KIRREL3: variants seen among roughly 807,000 people sequenced by gnomAD.
The protein encoded by KIRREL3 is kin of IRRE-like protein 3.
In KIRREL3, 36 loss-of-function variants were observed where a neutral mutation model predicts 89.7. The observed-to-expected ratio is 0.40, with a 90% CI of 0.31 to 0.53. The LOEUF (loss-of-function observed/expected upper bound fraction) is 0.53, where lower values mean the gene tolerates loss of function less well. KIRREL3 is among the 20% of genes least tolerant of loss of function. The pLI is 0.49. For missense variants in KIRREL3, 864 were observed against 1,056.6 expected, an observed-to-expected ratio of 0.82 and a Z score of 2.53; for synonymous variants, 445 against 441.4, an observed-to-expected ratio of 1.01 and a Z score of -0.10.
Position 126,872,340 on chromosome 11 carries a change from G to A in KIRREL3, c.55+128115C>T, listed in dbSNP as rs1195629930. Among the ~76,000 whole-genome samples, 2 of 152,316 alleles carry A rather than the reference G, an allele frequency of 1.3e-5. No individual in the cohort carries two copies. Among genetic ancestry groups the A allele is most frequent in the East Asian group, 3.9e-4 (2 of 5,182 alleles). On this transcript the variant is annotated intron_variant, in intron 1 of 16. Coordinates refer to ENST00000525144, the MANE Select transcript of KIRREL3 (RefSeq NM_032531.4). The surrounding 1 kb of genome is among the most constrained non-coding windows in gnomAD (Gnocchi z 4.2). ...CTCTTAATTTGCATGTAAATAAAGG[G>A]GGTATAAACACAGTTGTCAGCAGCC...
rs1362260560 is a variant in KIRREL3 at position 126,899,674 on chromosome 11, C to CA, written c.55+100780dup. 2.6e-5 allele frequency among the ~76,000 whole-genome samples: 4 copies of CA among 152,288 alleles called. No individual in the cohort carries two copies. In the East Asian group the frequency reaches 7.7e-4, roughly 29 times the overall value. ...GACTGAGGTTTGGAAACAGATATAG[C>CA]AAAAGGTGCTATCAAGTGAAAGGGC... On this transcript the variant is annotated intron_variant, in intron 1 of 16. Transcript: ENST00000525144.
rs1416814142 is a variant in KIRREL3 at position 126,768,165 on chromosome 11, C to CA, written c.56-205254dup. ...CCATCCATCCATCCATCCATCCATC[C>CA]ATCCAATCCATCCATCCATCCATCC... is the stretch of plus-strand genomic sequence containing the variant. On this transcript the variant is annotated intron_variant, in intron 1 of 16. Transcript: ENST00000525144. This position sits in a 1 kb window ranked among gnomAD's most constrained non-coding sequence, Gnocchi z 4.5. Among the ~76,000 whole-genome samples, 117 of 124,798 alleles carry CA rather than the reference C, an allele frequency of 9.4e-4. No homozygotes were observed. The highest frequency in any genetic ancestry group is 3.3e-3 in the African/African-American group (97 of 29,408). The allele number at this position is 124,798 out of a possible 152,430, so 81.9% of individuals were successfully genotyped here. A position where few individuals can be genotyped will look rare whatever the true frequency, so the allele number is the denominator to read the frequency against.
At chr11:126,887,945 C>T (rs1006880850) in intron 1 of KIRREL3, among the ~76,000 whole-genome samples, 1 of 152,180 alleles carries the variant, frequency 6.6e-6, no homozygotes, top group Non-Finnish European at 1.5e-5. Context: ...AAGCTTGATT[C>T]CTATCTCTCC....
At position 126,522,193 on chromosome 11, in the gene KIRREL3, C is replaced by G. The variant is rs1457726921; in HGVS notation, c.284-729G>C. 6.6e-6 allele frequency among the ~76,000 whole-genome samples: 1 copy of G among 151,994 alleles called. No individual in the cohort carries two copies. Among genetic ancestry groups the G allele is most frequent in the Non-Finnish European group, 1.5e-5 (1 of 68,026 alleles). On this transcript the variant is annotated intron_variant, in intron 3 of 16. Transcript: ENST00000525144. The surrounding 1 kb of genome is among the most constrained non-coding windows in gnomAD (Gnocchi z 6.0). ...TGGTGTGCTCAGCACTGTGGTCTAC[C>G]AAGCAGACATGCATTTTGATAAGAT...
At chr11:126,928,252 G>A (rs1947801967) in intron 1 of KIRREL3, among the ~76,000 whole-genome samples, 1 of 152,240 alleles carries the variant, frequency 6.6e-6, no homozygotes, top group Non-Finnish European at 1.5e-5. Flanking sequence ...GGGAAGATCA[G>A]GAACAAAGCT....
At chr11:126,631,433 A>G (rs2134884518) in intron 1 of KIRREL3, among the ~76,000 whole-genome samples, 1 of 152,312 alleles carries the variant, frequency 6.6e-6, no homozygotes, top group East Asian at 1.9e-4. Flanking sequence ...GAAGTTGTTC[A>G]TATGCAGAAT....
chr11:126,633,797 GT>G (rs1445640719), intron 1 of KIRREL3, among the ~76,000 whole-genome samples: 2 of 152,196 alleles, frequency 1.3e-5, no homozygotes, highest in Non-Finnish European at 2.9e-5. Flanking sequence ...ATCAGTGTAT[GT>G]TTTTGTACCA....
In KIRREL3 at chr11:126,904,385, G is replaced by T. The variant is rs1213218146; in HGVS notation, c.55+96070C>A. On this transcript the variant is annotated intron_variant, in intron 1 of 16. Coordinates refer to ENST00000525144, the MANE Select transcript of KIRREL3 (RefSeq NM_032531.4). This position sits in a 1 kb window ranked among gnomAD's most constrained non-coding sequence, Gnocchi z 4.4. ...GTTAAATTGGGTCTTGATGTTTACTGCATCTCTGACTGCAATAAGACTGAT... is the reference window on the plus strand; with the variant it reads ...GTTAAATTGGGTCTTGATGTTTACTTCATCTCTGACTGCAATAAGACTGAT... Among the ~76,000 whole-genome samples, 7 of 152,156 alleles carry T rather than the reference G, an allele frequency of 4.6e-5. No individual in the cohort carries two copies. Among genetic ancestry groups the T allele is most frequent in the African/African-American group, 1.7e-4 (7 of 41,434 alleles).
rs1421535527 is a variant in KIRREL3 at position 126,900,553 on chromosome 11, G to A, written c.55+99902C>T. Among the ~76,000 whole-genome samples, 1 of 151,902 alleles carries A rather than the reference G, an allele frequency of 6.6e-6. No individual in the cohort carries two copies. Among genetic ancestry groups the A allele is most frequent in the Non-Finnish European group, 1.5e-5 (1 of 67,972 alleles). On this transcript the variant is annotated intron_variant, in intron 1 of 16. Coordinates refer to ENST00000525144, the MANE Select transcript of KIRREL3 (RefSeq NM_032531.4). This position sits in a 1 kb window ranked among gnomAD's most constrained non-coding sequence, Gnocchi z 4.4. ...ACTTCTGAGGCCTGTTTTCTCTGTT[G>A]GAAAAAAAATAGATTTAAGATAATG...
rs1591637204 is a variant in KIRREL3, at chr11:126,498,406, T to C, written c.433+22909A>G. ...AGGCTCTTCCCCCCGACCCTGCGAT[T>C]GTGTTCCTAATCAGCCAGTGTATCA... is the stretch of plus-strand genomic sequence containing the variant. On this transcript the variant is annotated intron_variant, in intron 4 of 16. Coordinates refer to ENST00000525144, the MANE Select transcript of KIRREL3 (RefSeq NM_032531.4). This position sits in a 1 kb window ranked among gnomAD's most constrained non-coding sequence, Gnocchi z 4.3. Among the ~76,000 whole-genome samples the C allele has an allele frequency of 1.3e-5, 2 of 152,178 alleles. No individual in the cohort carries two copies. The highest frequency in any genetic ancestry group is 3.9e-4 in the East Asian group (2 of 5,194).
chr11:126,510,441 C>A (rs1958182200), intron 4 of KIRREL3, among the ~76,000 whole-genome samples: 1 of 148,396 alleles, frequency 6.7e-6, no homozygotes, highest in African/African-American at 2.5e-5. Context: ...TCCTTCCTTC[C>A]TTCCTTCCTT....
Position 126,611,901 on chromosome 11 carries a change from C to A in KIRREL3, c.56-48989G>T, listed in dbSNP as rs1378184603. On this transcript the variant is annotated intron_variant, in intron 1 of 16. Transcript: ENST00000525144. This position sits in a 1 kb window ranked among gnomAD's most constrained non-coding sequence, Gnocchi z 4.7. Reference sequence around the variant, plus strand: ...TCGCTCTAGGACCTGCCGATGCCCTCTGTCCTTCTCTGGTGACTTTGTCCA... The same window carrying A: ...TCGCTCTAGGACCTGCCGATGCCCTATGTCCTTCTCTGGTGACTTTGTCCA... Among the ~76,000 whole-genome samples the A allele has an allele frequency of 1.3e-5, 2 of 152,212 alleles. No individual in the cohort carries two copies. Among genetic ancestry groups the A allele is most frequent in the Non-Finnish European group, 2.9e-5 (2 of 68,044 alleles).
At position 126,808,415 on chromosome 11, in the gene KIRREL3, G is replaced by A. The variant is rs1447297558; in HGVS notation, c.55+192040C>T. On this transcript the variant is annotated intron_variant, in intron 1 of 16. Transcript: ENST00000525144. This position sits in a 1 kb window ranked among gnomAD's most constrained non-coding sequence, Gnocchi z 4.1. ...CCCTCCCCTGCCCAATGTGGTGGGA[G>A]GGCTCTGCTAAGATGTAGAGCAGTT... is the stretch of plus-strand genomic sequence containing the variant. Among the ~76,000 whole-genome samples, 5 of 152,156 alleles carry A rather than the reference G, an allele frequency of 3.3e-5. No individual in the cohort carries two copies. The highest frequency in any genetic ancestry group is 7.2e-5 in the African/African-American group (3 of 41,428).
chr11:126,944,622 G>T (rs771974178), intron 1 of KIRREL3, among the ~76,000 whole-genome samples: 1 of 152,036 alleles, frequency 6.6e-6, no homozygotes, highest in Non-Finnish European at 1.5e-5. Flanking sequence ...TGTGGTCCAC[G>T]CCTTGAGACT....
intron 1 of KIRREL3, among the ~76,000 whole-genome samples, chr11:126,602,077 AGAG>A (rs1942683108): frequency 6.6e-6 from 1 of 152,166 alleles, no homozygotes. Context: ...TTGTTTACTG[AGAG>A]GAGGAGTAGC....
At position 126,624,976 on chromosome 11, in the gene KIRREL3, A is replaced by G. The variant is rs776016421; in HGVS notation, c.56-62064T>C. Among the ~76,000 whole-genome samples the G allele has an allele frequency of 7.9e-5, 12 of 152,172 alleles. No homozygotes were observed. The highest frequency in any genetic ancestry group is 2.9e-5 in the Non-Finnish European group (2 of 68,032). On this transcript the variant is annotated intron_variant, in intron 1 of 16. Transcript: ENST00000525144. This position sits in a 1 kb window ranked among gnomAD's most constrained non-coding sequence, Gnocchi z 6.0. ...ACAAGGTCACTGATTGTTGGATGGC[A>G]TGGGCACGCTTCCCATTATGGAAGC...
chr11:126,670,557 A>G (rs1185367800), intron 1 of KIRREL3, among the ~76,000 whole-genome samples: 1 of 152,228 alleles, frequency 6.6e-6, no homozygotes, highest in East Asian at 1.9e-4. Context: ...AAAAAACCCA[A>G]AGAATCTGTA....
At chr11:126,718,887 C>T (rs1176279261) in intron 1 of KIRREL3, among the ~76,000 whole-genome samples, 1 of 152,196 alleles carries the variant, frequency 6.6e-6, no homozygotes, top group Non-Finnish European at 1.5e-5. Context: ...AAGCCCTCCT[C>T]TCTGATGCTG....
chr11:126,743,324 C>T (rs1156630651), intron 1 of KIRREL3, among the ~76,000 whole-genome samples: 2 of 152,172 alleles, frequency 1.3e-5, no homozygotes, highest in African/African-American at 4.8e-5. Context: ...CAGGTGCTGG[C>T]TGGCTATAAT....
Sources: allele counts gnomAD v4.1 joint callset (sites outside exome capture counted in the v4.1 genomes callset), GRCh38; gene constraint gnomAD v4.1.1; non-coding constraint Gnocchi (gnomAD v3.1); transcripts MANE v1.5; gene names NCBI Gene and HGNC (gene_info 2026-07-23, HGNC 2026-07-21).